THAP10: variants seen among roughly 807,000 people sequenced by gnomAD.
The protein encoded by THAP10 is THAP domain-containing protein 10.
Under a neutral mutation model 15.7 loss-of-function variants are expected in THAP10, and 10 were observed. The observed-to-expected ratio is 0.64, with a 90% CI of 0.39 to 1.08. THAP10 has a LOEUF of 1.08. Ranked by LOEUF, THAP10 falls within the 50% of genes least tolerant of loss-of-function variation. The pLI, the probability that THAP10 is intolerant of heterozygous loss-of-function variation, is 0.01. For synonymous variants in THAP10, 127 were observed against 129.1 expected, an observed-to-expected ratio of 0.98 and a Z score of 0.11; for missense variants, 310 against 330.9, an observed-to-expected ratio of 0.94 and a Z score of 0.49.
At position 70,882,745 on chromosome 15, in the gene THAP10, AAG is replaced by A; in HGVS notation, c.577+14_577+15del. ...ATCAATTCAATTGCTTAATCCATTG[AAG>A]AGTCAAAACATACCCACACTACGGT... On this transcript the variant is annotated intron_variant, in intron 2 of 2. Transcript: ENST00000249861. 1 of 1,613,968 alleles carries A rather than the reference AAG, an allele frequency of 6.2e-7. No homozygotes were observed. The highest frequency in any genetic ancestry group is 1.7e-4 in the Middle Eastern group (1 of 6,054).
chr15:70,882,945 G>T, intron 1 of THAP10, 37 bp from the exon 2 acceptor site: 1 of 1,608,136 alleles, frequency 6.2e-7, no homozygotes, highest in Non-Finnish European at 8.5e-7. Flanking sequence ...ATATTAAAGT[G>T]TACCTTATAG....
rs772564155 is a variant in THAP10 at position 70,882,567 on chromosome 15, A to T, written c.661T>A (p.Ser221Thr). The change falls in exon 3 of 3, where the codon TCT (serine) becomes ACT (threonine). Residue 221 changes from serine (S) to threonine (T), a missense_variant. Transcript: ENST00000249861. Reference protein sequence around the residue: ...QTEELWSRTSSLFDIYSSDSE... With the variant: ...QTEELWSRTSTLFDIYSSDSE... ...TCACTGGAGTAAATGTCAAAGAGAGAGGAAGTTCTAGACCACAATTCCTCT... is the reference window on the plus strand; with the variant it reads ...TCACTGGAGTAAATGTCAAAGAGAGTGGAAGTTCTAGACCACAATTCCTCT... 1 of 1,613,942 alleles carries T rather than the reference A, an allele frequency of 6.2e-7. No homozygotes were observed. The highest frequency in any genetic ancestry group is 8.5e-7 in the Non-Finnish European group (1 of 1,179,838).
rs776682503 is a variant in THAP10, at chr15:70,882,447, TGA to T, written c.*5_*6del. The T allele has an allele frequency of 4.2e-5, 68 of 1,601,782 alleles. 1 individual carries two copies. In the Admixed American group the frequency reaches 7.1e-4, roughly 17 times the overall value. On this transcript the variant is annotated 3_prime_UTR_variant, in exon 3 of 3. Coordinates refer to ENST00000249861, the MANE Select transcript of THAP10 (RefSeq NM_020147.4). ...TATAGCACATCAGAGCATTTGATGT[TGA>T]GTTTTTAACATGTTTCTTCTTTCAC...
chr15:70,884,291 G>A (rs908683733), intron 1 of THAP10, among the ~76,000 whole-genome samples: 4 of 152,050 alleles, frequency 2.6e-5, no homozygotes, highest in African/African-American at 9.7e-5. Flanking sequence ...CCAGCACTTC[G>A]GGAGGCTGAG....
rs1038182487 is a variant in THAP10, at chr15:70,881,479, C to T, written c.*975G>A. On this transcript the variant is annotated 3_prime_UTR_variant, in exon 3 of 3. Transcript: ENST00000249861. The stretch of plus-strand genomic sequence containing the variant: ...TTCTAATCATTCAGAACTAAGAAGA[C>T]ATATGAGGTGTAAAATTGATATTTA... 6.6e-6 allele frequency: 1 copy of T among 152,098 alleles called. No individual in the cohort carries two copies. The highest frequency in any genetic ancestry group is 1.5e-5 in the Non-Finnish European group (1 of 68,006). 9.4% of individuals were successfully genotyped at this position (152,098 alleles called of 1,614,324 possible).
intron 1 of THAP10, among the ~76,000 whole-genome samples, chr15:70,890,325 G>A (rs990405342): frequency 1.3e-5 from 2 of 152,200 alleles, no homozygotes; most frequent in Non-Finnish European, 1.5e-5. Flanking sequence ...GATGGTTCAA[G>A]GAAAGGACAG....
intron 1 of THAP10, among the ~76,000 whole-genome samples, chr15:70,889,469 T>C (rs929760064): frequency 3.9e-5 from 6 of 152,140 alleles, no homozygotes; most frequent in Non-Finnish European, 7.4e-5. Context: ...TTCTTTGACT[T>C]GGGTTGTGGT....
At chr15:70,891,112 T>C (rs1207639384) in intron 1 of THAP10, among the ~76,000 whole-genome samples, 1 of 152,152 alleles carries the variant, frequency 6.6e-6, no homozygotes, top group Non-Finnish European at 1.5e-5. Flanking sequence ...ATTTAATCTG[T>C]GTAATGGTGG....
At chr15:70,883,685 G>A (rs1188574392) in intron 1 of THAP10, among the ~76,000 whole-genome samples, 2 of 144,350 alleles carry the variant, frequency 1.4e-5, no homozygotes, top group African/African-American at 5.2e-5. Context: ...GTCTCCCTCT[G>A]TCACCCAGAC....
At position 70,882,595 on chromosome 15, in the gene THAP10, C is replaced by T. The variant is rs2033291157; in HGVS notation, c.633G>A (p.Gln211=). ...FGKRLCNATT[Q]TEELWSRTSS... ...AAGTTCTAGACCACAATTCCTCTGT[C>T]TGAGTAGTTGCATTACACAGTCTTT... is the stretch of plus-strand genomic sequence containing the variant. The change falls in exon 3 of 3, where the codon CAG becomes CAA. Residue 211 remains glutamine (Q), a synonymous_variant. Coordinates refer to ENST00000249861, the MANE Select transcript of THAP10 (RefSeq NM_020147.4). 6.2e-7 allele frequency: 1 copy of T among 1,614,048 alleles called. No homozygotes were observed. Among genetic ancestry groups the T allele is most frequent in the Non-Finnish European group, 8.5e-7 (1 of 1,179,968 alleles).
intron 1 of THAP10, among the ~76,000 whole-genome samples, chr15:70,883,527 T>C (rs2033322835): frequency 1.3e-5 from 2 of 152,280 alleles, no homozygotes; most frequent in South Asian, 4.1e-4. Flanking sequence ...TTATTTGATA[T>C]CTTAGCAGTC....
At chr15:70,886,275 T>C (rs2033405332) in intron 1 of THAP10, among the ~76,000 whole-genome samples, 2 of 152,124 alleles carry the variant, frequency 1.3e-5, no homozygotes, top group South Asian at 4.1e-4. Context: ...CAAAAGGTAT[T>C]CCACAAAATA....
rs916544606 is a variant in THAP10 at position 70,881,726 on chromosome 15, G to T, written c.*728C>A. The T allele has an allele frequency of 2.0e-5, 3 of 152,122 alleles. No homozygotes were observed. Among genetic ancestry groups the T allele is most frequent in the African/African-American group, 7.2e-5 (3 of 41,418 alleles). 9.4% of individuals were successfully genotyped at this position (152,122 alleles called of 1,614,324 possible). ...GCAATGGGAATACGTTAGAAATGTA[G>T]TACTTTTATTTTTCATGATGTTAAT... On this transcript the variant is annotated 3_prime_UTR_variant, in exon 3 of 3. Coordinates refer to ENST00000249861, the MANE Select transcript of THAP10 (RefSeq NM_020147.4).
At chr15:70,890,370 A>G (rs915328284) in intron 1 of THAP10, among the ~76,000 whole-genome samples, 1 of 152,202 alleles carries the variant, frequency 6.6e-6, no homozygotes, top group Non-Finnish European at 1.5e-5. Flanking sequence ...GTGAGGAGGG[A>G]AACTGGCAGA....
chr15:70,892,293 G>A lies in THAP10; in HGVS notation c.-21C>T. On this transcript the variant is annotated 5_prime_UTR_variant, in exon 1 of 3. Transcript: ENST00000249861. ...GGCATGGCGGCCGTCTTCGGTGCGC[G>A]GGAGCCGGGTTCCCTGGACCTTCGC... 1.3e-6 allele frequency: 2 copies of A among 1,552,284 alleles called. No homozygotes were observed. The highest frequency in any genetic ancestry group is 1.4e-5 in the African/African-American group (1 of 73,330).
At chr15:70,890,237 T>C (rs1416800787) in intron 1 of THAP10, among the ~76,000 whole-genome samples, 2 of 152,166 alleles carry the variant, frequency 1.3e-5, no homozygotes, top group African/African-American at 4.8e-5. Context: ...TTAGTATTTA[T>C]CTCTCTTGCT....
Position 70,892,298 on chromosome 15 carries a change from C to A in THAP10, c.-26G>T. The A allele has an allele frequency of 1.3e-6, 2 of 1,551,576 alleles. No individual in the cohort carries two copies. Among genetic ancestry groups the A allele is most frequent in the Non-Finnish European group, 1.7e-6 (2 of 1,147,396 alleles). On this transcript the variant is annotated 5_prime_UTR_variant, in exon 1 of 3. Transcript: ENST00000249861. ...GGCGGCCGTCTTCGGTGCGCGGGAG[C>A]CGGGTTCCCTGGACCTTCGCCCTTG...
Position 70,891,880 on chromosome 15 carries a change from T to G in THAP10, c.393A>C (p.Thr131=). ...SEAAPGPVSC[T]RPRAGKQAAA... is the part of the protein sequence containing the mutation. ...CAGCCTGCTTCCCAGCTCGGGGGCG[T>G]GTACAGGAGACTGGACCTGGGGCAG... The change falls in exon 1 of 3, where the codon ACA becomes ACC. Residue 131 remains threonine, a synonymous_variant. Transcript: ENST00000249861. The G allele has an allele frequency of 6.2e-7, 1 of 1,610,870 alleles. No homozygotes were observed. Among genetic ancestry groups the G allele is most frequent in the Non-Finnish European group, 8.5e-7 (1 of 1,179,020 alleles).
chr15:70,885,462 G>T (rs1476885976), intron 1 of THAP10, among the ~76,000 whole-genome samples: 2 of 152,072 alleles, frequency 1.3e-5, no homozygotes, highest in Non-Finnish European at 2.9e-5. Context: ...AAAATGAAGA[G>T]AAAAACTTAA....
Sources: allele counts gnomAD v4.1 joint callset (sites outside exome capture counted in the v4.1 genomes callset), GRCh38; gene constraint gnomAD v4.1.1; transcripts MANE v1.5; gene names NCBI Gene and HGNC (gene_info 2026-07-23, HGNC 2026-07-21).